TXNDC5: variants seen among roughly 807,000 people sequenced by gnomAD.
TXNDC5 encodes thioredoxin domain-containing protein 5.
Under a neutral mutation model 52.6 loss-of-function variants are expected in TXNDC5, and 44 were observed. The observed-to-expected ratio is 0.84, with a 90% CI of 0.66 to 1.08. The LOEUF (loss-of-function observed/expected upper bound fraction) is 1.08, where lower values mean the gene tolerates loss of function less well. Ranked by LOEUF, TXNDC5 falls within the 50% of genes least tolerant of loss-of-function variation. The probability of loss-of-function intolerance (pLI) is 0.00; values close to 1 mark genes in which losing one functional copy is unlikely to be tolerated. For synonymous variants in TXNDC5, 241 were observed against 234.4 expected (o/e 1.03, Z -0.26); for missense variants, 600 against 565.5 (o/e 1.06, Z -0.62).
intron 3 of TXNDC5, among the ~76,000 whole-genome samples, chr6:7,897,989 G>A (rs1427550027): frequency 6.6e-6 from 1 of 152,008 alleles, no homozygotes; most frequent in Non-Finnish European, 1.5e-5. Flanking sequence ...GGTTCTTTTA[G>A]CTAAAGTTAG....
intron 9 of TXNDC5, among the ~76,000 whole-genome samples, chr6:7,883,924 C>T (rs1336988073): frequency 1.3e-5 from 2 of 152,186 alleles, no homozygotes; most frequent in Admixed American, 1.3e-4. Context: ...ATGGCCCTTT[C>T]AGAAAGGAGG....
chr6:7,883,274 C>CA lies in TXNDC5; in HGVS notation c.1177-9dup. On this transcript the variant is annotated splice_polypyrimidine_tract_variant and intron_variant, in intron 9 of 9. Coordinates refer to ENST00000379757, the MANE Select transcript of TXNDC5 (RefSeq NM_030810.5). ...CGTGGGGTAGCCTCGTACCTTAAAACAAAAAAGAAAAAAGTTTGCAAACCA... is the reference window on the plus strand; with the variant it reads ...CGTGGGGTAGCCTCGTACCTTAAAACAAAAAAAGAAAAAAGTTTGCAAACCA... 11 of 1,612,846 alleles carry CA rather than the reference C, an allele frequency of 6.8e-6. No homozygotes were observed. The highest frequency in any genetic ancestry group is 1.1e-5 in the South Asian group (1 of 90,974).
intron 5 of TXNDC5, 54 bp downstream of exon 5, chr6:7,891,567 A>T: frequency 6.9e-7 from 1 of 1,456,588 alleles, no homozygotes; most frequent in Non-Finnish European, 9.6e-7. Flanking sequence ...CCACTCTGCT[A>T]ATTAATCCAG....
intron 1 of TXNDC5, among the ~76,000 whole-genome samples, chr6:7,905,035 C>G (rs1254896416): frequency 6.6e-6 from 1 of 152,226 alleles, no homozygotes; most frequent in Non-Finnish European, 1.5e-5. Context: ...ACCCTCCTTC[C>G]CTTGTGGCCT....
Position 7,910,654 on chromosome 6 carries a change from CG to C in TXNDC5, c.122del (p.Ala41GlyfsTer99). On this transcript the variant is annotated frameshift_variant, in exon 1 of 10. Transcript: ENST00000379757. LOFTEE classifies it high-confidence loss of function. Reference sequence around the variant, plus strand: ...GGGGCCCGTCCGCCGCCGCCGCCGCCGCCTCCTGGGCCCGGGCGCCCCAGCG... The same window carrying C: ...GGGGCCCGTCCGCCGCCGCCGCCGCCCCTCCTGGGCCCGGGCGCCCCAGCG... Reference protein sequence around the residue: ...GGRWGARAQEAAAAAADGPPA... With the variant: ...GGRWGARAQEXAAAAADGPPA... The C allele has an allele frequency of 7.8e-7, 1 of 1,278,956 alleles. No homozygotes were observed. The highest frequency in any genetic ancestry group is 1.0e-6 in the Non-Finnish European group (1 of 991,174). 79.2% of individuals were successfully genotyped at this position (1,278,956 alleles called of 1,614,324 possible). A position where few individuals can be genotyped will look rare whatever the true frequency, so the allele number is the denominator to read the frequency against.
chr6:7,889,334 T>G, intron 6 of TXNDC5, 161 bp downstream of exon 6: 1 of 614,270 alleles, frequency 1.6e-6, no homozygotes, highest in Non-Finnish European at 2.8e-6. Context: ...CCAAATCTTA[T>G]CAATTAAGAG....
At chr6:7,909,169 A>G (rs1760829176) in intron 1 of TXNDC5, among the ~76,000 whole-genome samples, 1 of 152,246 alleles carries the variant, frequency 6.6e-6, no homozygotes, top group Admixed American at 6.5e-5. Flanking sequence ...CAAGGTTAAG[A>G]GAAAAACGTT....
chr6:7,907,129 T>C (rs1226923800), intron 1 of TXNDC5, among the ~76,000 whole-genome samples: 1 of 152,012 alleles, frequency 6.6e-6, no homozygotes, highest in Non-Finnish European at 1.5e-5. Flanking sequence ...TCTGCAATCT[T>C]GACAAGGTTT....
In TXNDC5 at chr6:7,883,109, G is replaced by A. The variant is rs1490659800; in HGVS notation, c.*35C>T. 6.2e-7 allele frequency: 1 copy of A among 1,613,720 alleles called. No individual in the cohort carries two copies. Among genetic ancestry groups the A allele is most frequent in the South Asian group, 1.1e-5 (1 of 91,044 alleles). Reference sequence around the variant, plus strand: ...CTGAACTCCTAAACGCAGGGTGCGGGAGCTGGGCAGGAGAGGTGACCTCCA... The same window carrying A: ...CTGAACTCCTAAACGCAGGGTGCGGAAGCTGGGCAGGAGAGGTGACCTCCA... On this transcript the variant is annotated 3_prime_UTR_variant, in exon 10 of 10. Transcript: ENST00000379757.
At chr6:7,903,275 T>C (rs1760626780) in intron 2 of TXNDC5, among the ~76,000 whole-genome samples, 2 of 128,360 alleles carry the variant, frequency 1.6e-5, no homozygotes, top group African/African-American at 6.6e-5. Flanking sequence ...TGCTTTTACG[T>C]AGATACAGAT....
chr6:7,893,478 T>C (rs1019432404), intron 4 of TXNDC5, among the ~76,000 whole-genome samples: 1 of 152,086 alleles, frequency 6.6e-6, no homozygotes, highest in Non-Finnish European at 1.5e-5. Flanking sequence ...GAAGCCACCA[T>C]GGTACCTACA....
In TXNDC5 at chr6:7,889,328, A is replaced by G. The variant is rs982320847; in HGVS notation, c.819+167T>C. On this transcript the variant is annotated intron_variant, in intron 6 of 9. Coordinates refer to ENST00000379757, the MANE Select transcript of TXNDC5 (RefSeq NM_030810.5). ...TTCAAGGTTCATCTCCACAACCCAA[A>G]TCTTATCAATTAAGAGAAAGACGTT... 8.2e-6 allele frequency: 5 copies of G among 607,648 alleles called. No individual in the cohort carries two copies. The Admixed American group carries it at 9.0e-5, about 11-fold the overall frequency. The allele number at this position is 607,648 out of a possible 1,614,324, so 37.6% of individuals were successfully genotyped here.
chr6:7,884,656 T>C (rs1402334463), intron 8 of TXNDC5, among the ~76,000 whole-genome samples, 168 bp from the exon 9 acceptor site: 2 of 152,198 alleles, frequency 1.3e-5, no homozygotes. Flanking sequence ...CTCTTCCTCC[T>C]CCTATCCCAA....
chr6:7,883,370 A>C (rs1759839660), intron 9 of TXNDC5, 104 bp from the exon 10 acceptor site: 3 of 1,538,870 alleles, frequency 1.9e-6, no homozygotes, highest in African/African-American at 2.8e-5. Flanking sequence ...GGCTGGAAAA[A>C]TTCTGTGGCT....
At chr6:7,910,002 G>A (rs2113379064) in intron 1 of TXNDC5, 1 of 986,182 alleles carries the variant, frequency 1.0e-6, no homozygotes. Flanking sequence ...GTGACATTTG[G>A]ACTCCCGGCT....
At chr6:7,910,379 C>T (rs1248025300) in intron 1 of TXNDC5, 135 bp downstream of exon 1, 11 of 1,069,174 alleles carry the variant, frequency 1.0e-5, no homozygotes, top group African/African-American at 1.7e-5. Context: ...GAGCCCCGCG[C>T]CCGTAGCACG....
intron 3 of TXNDC5, 74 bp from the exon 4 acceptor site, chr6:7,895,276 T>A: frequency 4.2e-6 from 6 of 1,415,136 alleles, no homozygotes; most frequent in Non-Finnish European, 5.8e-6. Context: ...GGTGACTGTG[T>A]CTGTGGGGAA....
intron 1 of TXNDC5, among the ~76,000 whole-genome samples, chr6:7,908,855 GAAGA>G (rs1466130567): frequency 6.6e-6 from 1 of 151,992 alleles, no homozygotes; most frequent in Non-Finnish European, 1.5e-5. Context: ...AATAAATAAT[GAAGA>G]AAGAAAAAAG....
intron 5 of TXNDC5, among the ~76,000 whole-genome samples, chr6:7,891,291 C>T (rs1470220072): frequency 6.6e-6 from 1 of 152,112 alleles, no homozygotes; most frequent in Non-Finnish European, 1.5e-5. Context: ...CGAACGTGGA[C>T]GGTCTCCAAG....
Sources: allele counts gnomAD v4.1 joint callset (sites outside exome capture counted in the v4.1 genomes callset), GRCh38; gene constraint gnomAD v4.1.1; transcripts MANE v1.5; gene names NCBI Gene and HGNC (gene_info 2026-07-23, HGNC 2026-07-21).